ADCY7: variants seen among roughly 807,000 people sequenced by gnomAD.
ADCY7 encodes adenylate cyclase type 7.
Under a neutral mutation model 120.6 loss-of-function variants are expected in ADCY7, and 72 were observed. The observed-to-expected ratio is 0.60, with a 90% CI of 0.49 to 0.73. The LOEUF (loss-of-function observed/expected upper bound fraction) is 0.73. Among genes scored for constraint, ADCY7 ranks in the 30% least tolerant of loss-of-function variants. ADCY7 has a pLI of 0.00. For synonymous variants in ADCY7, 661 were observed against 628.0 expected, an observed-to-expected ratio of 1.05 and a Z score of -0.78; for missense variants, 1,227 against 1,486.0, an observed-to-expected ratio of 0.83 and a Z score of 2.87.
intron 1 of ADCY7, among the ~76,000 whole-genome samples, chr16:50,276,709 C>T (rs1473651883): frequency 1.3e-5 from 2 of 152,216 alleles, no homozygotes; most frequent in African/African-American, 4.8e-5. Context: ...CCTCCTGCCT[C>T]AGCCTCCCAA....
chr16:50,269,527 G>A (rs575053398), intron 1 of ADCY7, among the ~76,000 whole-genome samples: 1 of 152,338 alleles, frequency 6.6e-6, no homozygotes, highest in Admixed American at 6.5e-5. Context: ...GCTGGGCCAG[G>A]GTGGGCTGTC....
chr16:50,310,427 C>G, intron 18 of ADCY7: 1 of 1,533,492 alleles, frequency 6.5e-7, no homozygotes, highest in East Asian at 2.4e-5. Flanking sequence ...CGGCCTTGAC[C>G]TTGACTGTGG....
At chr16:50,255,063 A>G (rs2032869038) in intron 1 of ADCY7, among the ~76,000 whole-genome samples, 1 of 142,930 alleles carries the variant, frequency 7.0e-6, no homozygotes, top group Non-Finnish European at 1.5e-5. Flanking sequence ...AGGTGGGAGG[A>G]TTGCTTGAGG....
At chr16:50,311,563 T>G in intron 19 of ADCY7, 130 bp from the exon 20 acceptor site, 9 of 631,080 alleles carry the variant, frequency 1.4e-5, no homozygotes, top group East Asian at 6.1e-5. Flanking sequence ...CAAAGTTGTC[T>G]TGTTTTCTAC....
intron 12 of ADCY7, 148 bp downstream of exon 12, chr16:50,305,107 T>A: frequency 9.7e-7 from 1 of 1,027,152 alleles, no homozygotes; most frequent in Non-Finnish European, 1.5e-6. Context: ...AAAGCATTTC[T>A]AGGAACCAGA....
Position 50,308,723 on chromosome 16 carries a change from G to C in ADCY7, c.1992G>C (p.Gln664His). 1 of 1,613,642 alleles carries C rather than the reference G, an allele frequency of 6.2e-7. No homozygotes were observed. The highest frequency in any genetic ancestry group is 2.2e-5 in the East Asian group (1 of 44,880). ...LCTISERVET[Q>H]PLLRLTLAVL... is the part of the protein sequence containing the mutation. ...CTATCTCTGAGAGGGTGGAGACACA[G>C]CCCCTGCTGAGGCTGACCCTGGCCG... The change falls in exon 17 of 26, where the codon CAG becomes CAC. Residue 664 changes from glutamine to histidine, a missense_variant. Transcript: ENST00000673801.
intron 1 of ADCY7, among the ~76,000 whole-genome samples, chr16:50,269,006 C>T (rs1274244218): frequency 6.6e-6 from 1 of 152,222 alleles, no homozygotes; most frequent in East Asian, 1.9e-4. Context: ...CACTGCACTC[C>T]ATCCAGCCTG....
chr16:50,311,263 T>C (rs1279984609), intron 19 of ADCY7, among the ~76,000 whole-genome samples: 1 of 152,166 alleles, frequency 6.6e-6, no homozygotes, highest in Admixed American at 6.5e-5. Flanking sequence ...CTAGGGGTTC[T>C]GGGTCCCAAG....
exon 1 of ADCY7, chr16:50,246,180 C>A: frequency 6.7e-6 from 1 of 149,372 alleles, no homozygotes; most frequent in South Asian, 1.9e-4. Context: ...ACTCGGGCGG[C>A]GGTGGAGCGG....
chr16:50,286,820 T>A (rs1280358950), intron 1 of ADCY7, among the ~76,000 whole-genome samples: 1 of 152,110 alleles, frequency 6.6e-6, no homozygotes, highest in Non-Finnish European at 1.5e-5. Context: ...AATATCCATA[T>A]GGAAAAAAGA....
chr16:50,289,437 A>G, intron 2 of ADCY7: 1 of 322,706 alleles, frequency 3.1e-6, no homozygotes, highest in South Asian at 2.2e-5. Context: ...TTAGCTATTG[A>G]GCATTTAAAA....
chr16:50,287,201 A>AG (rs933237461), intron 1 of ADCY7, among the ~76,000 whole-genome samples: 6 of 151,088 alleles, frequency 4.0e-5, no homozygotes, highest in African/African-American at 7.3e-5. Context: ...TTTTTAGTGG[A>AG]GGGGGGTTTT....
intron 1 of ADCY7, 79 bp from the exon 2 acceptor site, chr16:50,287,833 T>A: frequency 3.6e-6 from 1 of 277,134 alleles, no homozygotes; most frequent in Non-Finnish European, 6.7e-6. Context: ...CTGTGAGGCC[T>A]GGGCCCCGCT....
intron 3 of ADCY7, 55 bp downstream of exon 3, chr16:50,290,715 G>T (rs554580014): frequency 6.4e-7 from 1 of 1,564,842 alleles, no homozygotes; most frequent in East Asian, 2.3e-5. Context: ...TCCCATCCCC[G>T]TGGTTGGTGG....
At chr16:50,305,221 T>C (rs2035980459) in intron 12 of ADCY7, among the ~76,000 whole-genome samples, 1 of 152,150 alleles carries the variant, frequency 6.6e-6, no homozygotes, top group Non-Finnish European at 1.5e-5. Flanking sequence ...GAGATGACTG[T>C]GGGTGTCCTG....
intron 1 of ADCY7, among the ~76,000 whole-genome samples, chr16:50,271,397 A>G (rs1029022770): frequency 6.6e-6 from 1 of 152,080 alleles, no homozygotes; most frequent in African/African-American, 2.4e-5. Flanking sequence ...ATGAGCCACC[A>G]CACCCAGCCT....
chr16:50,254,019 C>A (rs2032839216), intron 1 of ADCY7, among the ~76,000 whole-genome samples: 1 of 152,176 alleles, frequency 6.6e-6, no homozygotes, highest in South Asian at 2.1e-4. Flanking sequence ...AGGGTTGAGG[C>A]TGGGTCTGTG....
rs1167483525 is a variant in ADCY7 at position 50,316,065 on chromosome 16, T to C, written c.*560T>C. The C allele has an allele frequency of 6.5e-6, 1 of 152,986 alleles. No homozygotes were observed. The allele number at this position is 152,986 out of a possible 1,614,324, so 9.5% of individuals were successfully genotyped here. ...ACAGGTAGAGAGAAAAACACCACAA[T>C]TAACACTGTTACTTTTTGCCTTGTC... On this transcript the variant is annotated 3_prime_UTR_variant, in exon 26 of 26. Coordinates refer to ENST00000673801, the MANE Select transcript of ADCY7 (RefSeq NM_001114.5).
chr16:50,306,501 C>T (rs968429487), intron 14 of ADCY7, among the ~76,000 whole-genome samples: 5 of 147,924 alleles, frequency 3.4e-5, no homozygotes, highest in South Asian at 2.1e-4. Flanking sequence ...CCAGGGCCGC[C>T]GAGCCTGCTT....
Sources: allele counts gnomAD v4.1 joint callset (sites outside exome capture counted in the v4.1 genomes callset), GRCh38; gene constraint gnomAD v4.1.1; transcripts MANE v1.5; gene names NCBI Gene and HGNC (gene_info 2026-07-23, HGNC 2026-07-21).